ATP8B4: variants seen among roughly 807,000 people sequenced by gnomAD.
ATP8B4 encodes the protein ATPase phospholipid transporting 8B4 (putative).
In ATP8B4, 133 loss-of-function variants were observed where a neutral mutation model predicts 145.6. That is an observed-to-expected ratio of 0.91 (90% CI 0.79 to 1.05). The LOEUF (loss-of-function observed/expected upper bound fraction) is 1.05, where lower values mean the gene tolerates loss of function less well. Among genes scored for constraint, ATP8B4 ranks in the 50% least tolerant of loss-of-function variants. ATP8B4 has a pLI of 0.00. For synonymous variants in ATP8B4, 507 were observed against 492.9 expected (o/e 1.03, Z -0.38); for missense variants, 1,458 against 1,425.2 (o/e 1.02, Z -0.37).
intron 2 of ATP8B4, among the ~76,000 whole-genome samples, chr15:50,085,911 TTATATA>T (rs1436396650): frequency 1.1e-5 from 1 of 92,046 alleles, no homozygotes; most frequent in African/African-American, 5.4e-5. Context: ...TCATATATAT[TTATATA>T]TGATATATAT....
chr15:49,925,601 T>C (rs11070734), intron 16 of ATP8B4, among the ~76,000 whole-genome samples: 37,106 of 152,096 alleles, frequency 0.24, 5,215 homozygotes, highest in Non-Finnish European at 0.31. Context: ...CACTGTATCT[T>C]AGTTTCTACA....
chr15:50,043,006 T>C (rs2051421981), intron 5 of ATP8B4, among the ~76,000 whole-genome samples: 1 of 152,226 alleles, frequency 6.6e-6, no homozygotes, highest in South Asian at 2.1e-4. Flanking sequence ...GCAGAGATTT[T>C]CAGATTTTAT....
At chr15:49,923,268 GCTTT>G (rs1320071082) in intron 17 of ATP8B4, 107 bp downstream of exon 17, 20 of 769,044 alleles carry the variant, frequency 2.6e-5, no homozygotes, top group Non-Finnish European at 3.9e-5. Flanking sequence ...TTCTCCAGAT[GCTTT>G]CTATTTCAGT....
At chr15:49,862,416 A>G (rs201368487) in intron 26 of ATP8B4, 41 bp from the exon 27 acceptor site, 29 of 1,585,988 alleles carry the variant, frequency 1.8e-5, no homozygotes, top group Admixed American at 1.8e-4. Context: ...GGTTACAAGT[A>G]GGACTGAATT....
chr15:49,972,825 T>C (rs2045294091), intron 12 of ATP8B4, 35 bp from the exon 13 acceptor site: 1 of 1,595,720 alleles, frequency 6.3e-7, no homozygotes, highest in South Asian at 1.1e-5. Flanking sequence ...AAGAAAGAAA[T>C]GCTCCATTAA....
At chr15:50,173,215 A>G (rs1362167054) in intron 1 of ATP8B4, among the ~76,000 whole-genome samples, 4 of 152,238 alleles carry the variant, frequency 2.6e-5, no homozygotes, top group Non-Finnish European at 5.9e-5. Flanking sequence ...CTCATTGAGA[A>G]CAGGCCATGA....
chr15:49,942,271 G>GA (rs1304308122), intron 14 of ATP8B4, among the ~76,000 whole-genome samples: 1 of 151,860 alleles, frequency 6.6e-6, no homozygotes, highest in Admixed American at 6.6e-5. Flanking sequence ...GTAATGTACA[G>GA]AAAAAAATAA....
chr15:50,134,774 G>C (rs2044099483), intron 1 of ATP8B4, among the ~76,000 whole-genome samples: 1 of 152,202 alleles, frequency 6.6e-6, no homozygotes, highest in Admixed American at 6.5e-5. Flanking sequence ...AAATGTCAAA[G>C]ATGATGTCAC....
chr15:49,898,103 A>G lies in ATP8B4; in HGVS notation c.2438T>C (p.Ile813Thr), dbSNP rs143804562. 2.1e-5 allele frequency: 34 copies of G among 1,613,706 alleles called. No individual in the cohort carries two copies. In the Admixed American group the frequency reaches 2.2e-4, roughly 10 times the overall value. The change falls in exon 22 of 28, where the codon ATT (isoleucine) becomes ACT (threonine). Residue 813 changes from isoleucine (I) to threonine (T), a missense_variant. Transcript: ENST00000284509. ...GCTGACATCATTGGCTCCATCACCA[A>G]TGGCCAAAGTAACAGCATTTCTGTA... ...KKYRNAVTLA[I>T]GDGANDVSMI...
chr15:49,902,908 A>G (rs2038199176), intron 20 of ATP8B4, among the ~76,000 whole-genome samples: 1 of 152,252 alleles, frequency 6.6e-6, no homozygotes, highest in South Asian at 2.1e-4. Context: ...CACTCGCTGT[A>G]TAAATGACTC....
intron 2 of ATP8B4, among the ~76,000 whole-genome samples, chr15:50,104,740 G>A (rs981400495): frequency 8.6e-5 from 13 of 152,004 alleles, no homozygotes; most frequent in Non-Finnish European, 1.8e-4. Flanking sequence ...CCCAGAGGAA[G>A]AGAAGTCATT....
chr15:50,161,615 TAAAC>T (rs1312240439), intron 1 of ATP8B4, among the ~76,000 whole-genome samples: 2 of 150,314 alleles, frequency 1.3e-5, no homozygotes, highest in African/African-American at 2.4e-5. Flanking sequence ...ACAGATTGCA[TAAAC>T]AAACAAGCAA....
chr15:50,033,144 G>T (rs931525019), intron 6 of ATP8B4, among the ~76,000 whole-genome samples: 5 of 152,158 alleles, frequency 3.3e-5, no homozygotes, highest in Non-Finnish European at 1.5e-5. Context: ...GTAAAAGAAA[G>T]CTCCTTCCTT....
chr15:50,074,832 GA>G (rs1426114277), intron 2 of ATP8B4, among the ~76,000 whole-genome samples: 1 of 152,204 alleles, frequency 6.6e-6, no homozygotes, highest in East Asian at 1.9e-4. Flanking sequence ...AAAATTTGCA[GA>G]GGGCAAGATA....
At chr15:49,987,085 G>T (rs906937783) in intron 10 of ATP8B4, among the ~76,000 whole-genome samples, 6 of 152,276 alleles carry the variant, frequency 3.9e-5, no homozygotes, top group Middle Eastern at 3.4e-3. Flanking sequence ...AAATGACAAA[G>T]GTGATTAAGA....
rs1421304796 is a variant in ATP8B4 at position 49,917,247 on chromosome 15, C to T, written c.2036-208G>A. 4 of 509,886 alleles carry T rather than the reference C, an allele frequency of 7.8e-6. No individual in the cohort carries two copies. The Admixed American group carries it at 1.4e-4, about 18-fold the overall frequency. The allele number at this position is 509,886 out of a possible 1,614,324, so 31.6% of individuals were successfully genotyped here. On this transcript the variant is annotated intron_variant, in intron 19 of 27. Transcript: ENST00000284509. ...GGATCAAATTCCCTACTTGCTAAACCCATGCACAAGTAGCAACACTAACGA... is the reference window on the plus strand; with the variant it reads ...GGATCAAATTCCCTACTTGCTAAACTCATGCACAAGTAGCAACACTAACGA...
At chr15:49,919,849 T>C (rs1338705238) in intron 18 of ATP8B4, among the ~76,000 whole-genome samples, 1 of 152,172 alleles carries the variant, frequency 6.6e-6, no homozygotes, top group Non-Finnish European at 1.5e-5. Context: ...ACAGATATCA[T>C]CAGAATCTCA....
rs1343535422 is a variant in ATP8B4 at position 49,858,249 on chromosome 15, C to T, written c.*1945G>A. 1 of 152,086 alleles carries T rather than the reference C, an allele frequency of 6.6e-6. No individual in the cohort carries two copies. Among genetic ancestry groups the T allele is most frequent in the African/African-American group, 2.4e-5 (1 of 41,408 alleles). The allele number at this position is 152,086 out of a possible 1,614,324, so 9.4% of individuals were successfully genotyped here. A position where few individuals can be genotyped will look rare whatever the true frequency, so the allele number is the denominator to read the frequency against. On this transcript the variant is annotated 3_prime_UTR_variant, in exon 28 of 28. Transcript: ENST00000284509. ...GATAAAACATCAAGTACCAATAGTG[C>T]CAAAACATTTACTGAAAGTTTTCAA...
intron 2 of ATP8B4, among the ~76,000 whole-genome samples, chr15:50,099,277 T>C (rs927242406): frequency 6.6e-6 from 1 of 152,178 alleles, no homozygotes; most frequent in African/African-American, 2.4e-5. Context: ...ACAATTTTTT[T>C]TCTTTTCTTT....
Sources: gnomAD v4.1 joint callset for allele counts (sites outside exome capture counted in the v4.1 genomes callset) on GRCh38, gnomAD v4.1.1 for gene constraint, MANE v1.5 for transcripts, NCBI Gene and HGNC (gene_info 2026-07-23, HGNC 2026-07-21) for gene names.